RALGAPA1: variants seen among roughly 807,000 people sequenced by gnomAD.
RALGAPA1 encodes ral GTPase-activating protein subunit alpha-1.
RALGAPA1 carries 52 observed loss-of-function variants against 269.6 expected under a neutral mutation model. The ratio of observed to expected loss-of-function variants is 0.19; its 90% CI spans 0.15 to 0.24. The LOEUF (loss-of-function observed/expected upper bound fraction) is 0.24. RALGAPA1 is among the 10% of genes least tolerant of loss of function. The pLI is 1.00. For synonymous variants in RALGAPA1, 817 were observed against 1,008.3 expected (o/e 0.81, Z 3.60); for missense variants, 1,917 against 3,013.9 (o/e 0.64, Z 8.52).
intron 1 of RALGAPA1, among the ~76,000 whole-genome samples, chr14:35,806,740 C>T (rs2077412191): frequency 6.6e-6 from 1 of 152,100 alleles, no homozygotes; most frequent in Non-Finnish European, 1.5e-5. Flanking sequence ...AAACTAGTTT[C>T]CTCATTGTGT....
rs1456648306 is a variant in RALGAPA1 at position 35,688,499 on chromosome 14, C to T, written c.3912G>A (p.Leu1304=). ...CAAAATAGCCCATTACATGACTGTA[C>T]AGATCCCTCAGTGGAGCCTCTGGTG... ...RMPPEAPLRD[L]YSHVMGYFGR... The change falls in exon 18 of 42, where the codon CTG becomes CTA. Residue 1304 remains leucine, a synonymous_variant. Transcript: ENST00000680220. 1 of 1,536,110 alleles carries T rather than the reference C, an allele frequency of 6.5e-7. No individual in the cohort carries two copies. The highest frequency in any genetic ancestry group is 8.7e-7 in the Non-Finnish European group (1 of 1,146,894).
At chr14:35,792,041 G>A (rs4611366) in intron 1 of RALGAPA1, among the ~76,000 whole-genome samples, 1 of 151,016 alleles carries the variant, frequency 6.6e-6, no homozygotes, top group Non-Finnish European at 1.5e-5. Context: ...TCAACACTTA[G>A]CTGAAAAGGG....
chr14:35,627,245 T>C lies in RALGAPA1; in HGVS notation c.6702A>G (p.Gln2234=), dbSNP rs752600905. The change falls in exon 34 of 42, where the codon CAA becomes CAG. Residue 2234 remains glutamine (Q), a synonymous_variant. Transcript: ENST00000680220. The stretch of plus-strand genomic sequence containing the variant: ...CAACAAATTCTTTTTCTTCTGTATG[T>C]TGCTTAAGGATAGCATTAATAACAT... The part of the protein sequence containing the change: ...ENDVINAILK[Q]HTEEKEFVEK... The C allele has an allele frequency of 6.2e-7, 1 of 1,607,098 alleles. No homozygotes were observed.
intron 31 of RALGAPA1, among the ~76,000 whole-genome samples, chr14:35,639,764 C>T (rs2061891616): frequency 6.6e-6 from 1 of 151,706 alleles, no homozygotes; most frequent in African/African-American, 2.4e-5. Context: ...ACGGTGAAAC[C>T]CCGTCTCTAC....
chr14:35,657,691 T>TATATA (rs1200577635), intron 28 of RALGAPA1, among the ~76,000 whole-genome samples: 2 of 134,294 alleles, frequency 1.5e-5, no homozygotes, highest in African/African-American at 2.9e-5. Context: ...ATATATATAT[T>TATATA]TTTTTTTTTT....
intron 36 of RALGAPA1, among the ~76,000 whole-genome samples, chr14:35,600,264 T>C (rs568550882): frequency 9.0e-5 from 13 of 143,738 alleles, no homozygotes; most frequent in Admixed American, 2.1e-4. Context: ...CAGGGTCTGC[T>C]CTATCACCCA....
At chr14:35,738,768 C>A in intron 11 of RALGAPA1, 118 bp from the exon 12 acceptor site, 1 of 715,264 alleles carries the variant, frequency 1.4e-6, no homozygotes, top group South Asian at 2.4e-5. Context: ...TTCTTTCTCT[C>A]AAAATAGATG....
rs56835063 is a variant in RALGAPA1 at position 35,557,098 on chromosome 14, ATGTGTGTGTGTGTGTGTGTG to A, written c.7497-7884_7497-7865del. Reference sequence around the variant, plus strand: ...GCACTAATATGATTATCCAATATGTATGTGTGTGTGTGTGTGTGTGTGTGTGTGTGTGTGTGTGTATATAT... The same window carrying A: ...GCACTAATATGATTATCCAATATGTATGTGTGTGTGTGTGTGTGTATATAT... On this transcript the variant is annotated intron_variant, in intron 39 of 41. Transcript: ENST00000680220. 2.2e-3 allele frequency among the ~76,000 whole-genome samples: 315 copies of A among 142,516 alleles called. 5 individuals carry two copies. Among genetic ancestry groups the A allele is most frequent in the African/African-American group, 7.6e-3 (302 of 39,604 alleles). The allele number at this position is 142,516 out of a possible 152,430, so 93.5% of individuals were successfully genotyped here. A position where few individuals can be genotyped will look rare whatever the true frequency, so the allele number is the denominator to read the frequency against.
At chr14:35,769,283 G>A (rs75575943) in intron 4 of RALGAPA1, among the ~76,000 whole-genome samples, 72 of 151,766 alleles carry the variant, frequency 4.7e-4, no homozygotes, top group African/African-American at 1.7e-3. Context: ...AATCATGTCC[G>A]GTGCAGCAAC....
Position 35,627,693 on chromosome 14 carries a change from A to G in RALGAPA1, c.6254T>C (p.Met2085Thr). The G allele has an allele frequency of 1.9e-6, 3 of 1,603,198 alleles. No homozygotes were observed. The highest frequency in any genetic ancestry group is 2.6e-6 in the Non-Finnish European group (3 of 1,176,446). Residue 2085 changes from methionine to threonine, a missense_variant, in exon 34 of 42, where the codon ATG becomes ACG. By Grantham distance (81) the Met-to-Thr change is moderately conservative (BLOSUM62 -1). Transcript: ENST00000680220. Reference sequence around the variant, plus strand: ...GCCAGCAGATAAACCTCCTCCAGGCATATTCTCTTCTGATCTGATCTGGAT... The same window carrying G: ...GCCAGCAGATAAACCTCCTCCAGGCGTATTCTCTTCTGATCTGATCTGGAT... ...SCIQIRSEEN[M>T]PGGGLSAGLA...
At chr14:35,632,243 A>C (rs1212012486) in intron 33 of RALGAPA1, among the ~76,000 whole-genome samples, 1 of 152,208 alleles carries the variant, frequency 6.6e-6, no homozygotes, top group Admixed American at 6.5e-5. Context: ...AATACAAAGA[A>C]GACATGAAAT....
intron 37 of RALGAPA1, among the ~76,000 whole-genome samples, chr14:35,585,528 TA>T (rs1446541653): frequency 5.9e-5 from 9 of 152,326 alleles, no homozygotes; most frequent in African/African-American, 1.2e-4. Flanking sequence ...AAAAATGGTT[TA>T]AAAAATAGTT....
Position 35,688,778 on chromosome 14 carries a change from C to T in RALGAPA1, c.3633G>A (p.Val1211=). Residue 1211 remains valine (V), a synonymous_variant, in exon 18 of 42, where the codon GTG becomes GTA. Coordinates refer to ENST00000680220, the MANE Select transcript of RALGAPA1 (RefSeq NM_001346249.2). ...NSATELVKPG[V]YRPLDTLGTA... ...TACCAAGTGTATCTAGAGGTCTGTA[C>T]ACACCAGGTTTTACTAGCTCTGTAG... The T allele has an allele frequency of 4.2e-6, 6 of 1,427,644 alleles. No individual in the cohort carries two copies. The highest frequency in any genetic ancestry group is 4.6e-6 in the Non-Finnish European group (5 of 1,096,140). 88.4% of individuals were successfully genotyped at this position (1,427,644 alleles called of 1,614,324 possible).
chr14:35,779,565 G>T (rs990219267), intron 1 of RALGAPA1, among the ~76,000 whole-genome samples: 1 of 149,966 alleles, frequency 6.7e-6, no homozygotes, highest in Non-Finnish European at 1.5e-5. Context: ...TAATAATAAA[G>T]AAATAATAAA....
At chr14:35,612,369 T>TCAA (rs1555373986) in intron 35 of RALGAPA1, among the ~76,000 whole-genome samples, 2 of 96,092 alleles carry the variant, frequency 2.1e-5, no homozygotes, top group Non-Finnish European at 4.0e-5. Flanking sequence ...AAACTCTGTT[T>TCAA]CAAAAAAAAA....
At chr14:35,780,753 T>G (rs1300168402) in intron 1 of RALGAPA1, among the ~76,000 whole-genome samples, 1 of 152,160 alleles carries the variant, frequency 6.6e-6, no homozygotes, top group African/African-American at 2.4e-5. Flanking sequence ...AATTGCTATA[T>G]GAGAAAGAAA....
intron 31 of RALGAPA1, among the ~76,000 whole-genome samples, chr14:35,646,004 A>T (rs2062414209): frequency 6.6e-6 from 1 of 152,184 alleles, no homozygotes; most frequent in East Asian, 1.9e-4. Context: ...GAGCACCAAA[A>T]TAAATAATAG....
intron 4 of RALGAPA1, among the ~76,000 whole-genome samples, chr14:35,763,787 T>G (rs1040047779): frequency 2.0e-5 from 3 of 151,586 alleles, no homozygotes; most frequent in African/African-American, 7.3e-5. Context: ...TATATATATA[T>G]ATATATAGAG....
intron 1 of RALGAPA1, among the ~76,000 whole-genome samples, chr14:35,790,212 C>G (rs775551668): frequency 3.3e-5 from 5 of 152,052 alleles, no homozygotes; most frequent in Non-Finnish European, 7.3e-5. Context: ...GAGATCTCAC[C>G]ACTGCACTCC....
Sources: gnomAD v4.1 joint callset for allele counts (sites outside exome capture counted in the v4.1 genomes callset) on GRCh38, gnomAD v4.1.1 for gene constraint, MANE v1.5 for transcripts, NCBI Gene and HGNC (gene_info 2026-07-23, HGNC 2026-07-21) for gene names.